PKD2L1: variants seen among roughly 807,000 people sequenced by gnomAD.
PKD2L1 encodes polycystin-2-like protein 1.
PKD2L1 carries 77 observed loss-of-function variants against 93.0 expected under a neutral mutation model. The observed-to-expected ratio is 0.83, with a 90% confidence interval of 0.69 to 1.00. PKD2L1 has a LOEUF of 1.00. PKD2L1 is among the 50% of genes least tolerant of loss of function. PKD2L1 has a pLI of 0.00. For missense variants in PKD2L1, 977 were observed against 990.9 expected, an observed-to-expected ratio of 0.99 and a Z score of 0.19; for synonymous variants, 390 against 388.0, an observed-to-expected ratio of 1.01 and a Z score of -0.06.
At chr10:100,296,951 G>A (rs750310651) in intron 6 of PKD2L1, 29 bp downstream of exon 6, 1 of 1,482,280 alleles carries the variant, frequency 6.7e-7, no homozygotes, top group South Asian at 1.1e-5. Context: ...ACCCCAGAAT[G>A]TCCCAAGTCC....
intron 10 of PKD2L1, 61 bp from the exon 11 acceptor site, chr10:100,293,130 A>G: frequency 1.9e-6 from 3 of 1,594,966 alleles, no homozygotes; most frequent in Non-Finnish European, 2.6e-6. Context: ...CCTGGCCCCC[A>G]GCCCCACCCA....
At position 100,329,948 on chromosome 10, in the gene PKD2L1, C is replaced by A. The variant is rs1444223915; in HGVS notation, c.156G>T (p.Lys52Asn). The change falls in exon 1 of 16, where the codon AAG (lysine) becomes AAT (asparagine). Residue 52 changes from lysine to asparagine, a missense_variant. By Grantham distance (94) the Lys-to-Asn change is moderately conservative (BLOSUM62 0). Transcript: ENST00000318222. Reference protein sequence around the residue: ...STGPLQPQPKKPEDEPQETAY... With the variant: ...STGPLQPQPKNPEDEPQETAY... ...CCGTCTCCTGGGGTTCATCTTCAGG[C>A]TTCTTGGGTTGGGGCTGGAGAGGCC... 6.2e-7 allele frequency: 1 copy of A among 1,614,094 alleles called. No homozygotes were observed. Among genetic ancestry groups the A allele is most frequent in the Non-Finnish European group, 8.5e-7 (1 of 1,179,956 alleles).
At chr10:100,289,598 C>T (rs1021739792) in intron 14 of PKD2L1, among the ~76,000 whole-genome samples, 1 of 152,092 alleles carries the variant, frequency 6.6e-6, no homozygotes, top group Non-Finnish European at 1.5e-5. Flanking sequence ...TCCCTTACCC[C>T]TTCCACCATG....
At chr10:100,293,212 G>T in intron 10 of PKD2L1, 69 bp downstream of exon 10, 1 of 1,522,820 alleles carries the variant, frequency 6.6e-7, no homozygotes, top group Non-Finnish European at 9.1e-7. Flanking sequence ...GTCAGGAACA[G>T]ACCAGGACAC....
chr10:100,312,192 A>G (rs3853518), intron 2 of PKD2L1, among the ~76,000 whole-genome samples: 86,882 of 152,026 alleles, frequency 0.57, 25,151 homozygotes, highest in Admixed American at 0.68. Context: ...GAAACCGTGC[A>G]TTTCATATCA....
chr10:100,303,403 C>T (rs1056082636), intron 2 of PKD2L1, among the ~76,000 whole-genome samples: 1 of 152,030 alleles, frequency 6.6e-6, no homozygotes, highest in East Asian at 1.9e-4. Context: ...ATATTGGTCT[C>T]GAACCCCCAA....
intron 2 of PKD2L1, among the ~76,000 whole-genome samples, chr10:100,304,860 G>T (rs73341804): frequency 0.049 from 7,518 of 152,208 alleles, 640 homozygotes; most frequent in African/African-American, 0.17. Flanking sequence ...AGCAGAATGA[G>T]CATGAGCACT....
rs1848475527 is a variant in PKD2L1, at chr10:100,294,516, C to A, written c.1659+19G>T. The stretch of plus-strand genomic sequence containing the variant: ...CCCTGCAGGCTCTCTATGTCCCCAC[C>A]CCTCAGAGAGACCCTCACCAGGAGC... On this transcript the variant is annotated intron_variant, in intron 9 of 15. Coordinates refer to ENST00000318222, the MANE Select transcript of PKD2L1 (RefSeq NM_016112.3). The A allele has an allele frequency of 6.2e-6, 10 of 1,613,906 alleles. No homozygotes were observed. Among genetic ancestry groups the A allele is most frequent in the Non-Finnish European group, 8.5e-6 (10 of 1,179,876 alleles).
intron 2 of PKD2L1, 139 bp downstream of exon 2, chr10:100,329,072 A>T (rs1849441439): frequency 1.4e-6 from 1 of 697,622 alleles, no homozygotes; most frequent in South Asian, 2.0e-5. Context: ...GAATATTGTT[A>T]TCTAAAGTTC....
At chr10:100,324,250 A>AG (rs1849327775) in intron 2 of PKD2L1, among the ~76,000 whole-genome samples, 1 of 152,244 alleles carries the variant, frequency 6.6e-6, no homozygotes, top group African/African-American at 2.4e-5. Context: ...ATCCAACACC[A>AG]GGGTGGTACC....
At chr10:100,319,415 C>A (rs1049308872) in intron 2 of PKD2L1, among the ~76,000 whole-genome samples, 1 of 152,222 alleles carries the variant, frequency 6.6e-6, no homozygotes, top group African/African-American at 2.4e-5. Flanking sequence ...ACGCTCTTTC[C>A]ATTATACAAC....
At chr10:100,302,236 T>C (rs562147359) in intron 2 of PKD2L1, among the ~76,000 whole-genome samples, 58 of 120,580 alleles carry the variant, frequency 4.8e-4, no homozygotes, top group Non-Finnish European at 8.1e-4. Flanking sequence ...TATTCATGCA[T>C]ACACACACAC....
rs143277422 is a variant in PKD2L1 at position 100,297,519 on chromosome 10, G to A, written c.819C>T (p.Asp273=). The A allele has an allele frequency of 7.1e-4, 1,146 of 1,614,062 alleles. 5 individuals are homozygous for A. In the African/African-American group the frequency reaches 0.013, roughly 19 times the overall value. Residue 273 remains aspartate (D), a synonymous_variant, in exon 5 of 16, where the codon GAC becomes GAT. Coordinates refer to ENST00000318222, the MANE Select transcript of PKD2L1 (RefSeq NM_016112.3). The part of the protein sequence containing the change: ...TSYSGGGYYL[D]LPGSRQGSAE... The stretch of plus-strand genomic sequence containing the variant: ...CACTACCCTGTCGGGATCCTGGAAG[G>A]TCCAGGTAGTAGCCACCTCCGCTGT...
chr10:100,321,856 C>A (rs1220601756), intron 2 of PKD2L1, among the ~76,000 whole-genome samples: 92 of 1,952 alleles, frequency 0.047, 29 homozygotes, highest in Admixed American at 0.082. Context: ...AGCAAGAAGG[C>A]AGGCAGGCAG....
At chr10:100,307,333 C>T (rs1043096550) in intron 2 of PKD2L1, among the ~76,000 whole-genome samples, 4 of 152,084 alleles carry the variant, frequency 2.6e-5, no homozygotes, top group Non-Finnish European at 4.4e-5. Flanking sequence ...CATAGTAGAC[C>T]GATTGTGTAT....
In PKD2L1 at chr10:100,321,792, GAGGGAGGGAGGGAGGGAGGAAGGA is replaced by G. The variant is rs1431117638; in HGVS notation, c.349+7395_349+7418del. Among the ~76,000 whole-genome samples the G allele has an allele frequency of 2.7e-4, 3 of 10,994 alleles. 1 individual carries two copies. Among genetic ancestry groups the G allele is most frequent in the African/African-American group, 1.4e-3 (3 of 2,180 alleles). 7.2% of individuals were successfully genotyped at this position (10,994 alleles called of 152,430 possible). A position where few individuals can be genotyped will look rare whatever the true frequency, so the allele number is the denominator to read the frequency against. On this transcript the variant is annotated intron_variant, in intron 2 of 15. Transcript: ENST00000318222. ...GGAGGGAGGGAGGGAGGGAGGGAGGGAGGGAGGGAGGGAGGGAGGAAGGAAGGAAAGAAAGAAAGAAGGAAAGCA... is the reference window on the plus strand; with the variant it reads ...GGAGGGAGGGAGGGAGGGAGGGAGGGAGGAAAGAAAGAAAGAAGGAAAGCA...
At chr10:100,299,462 C>A in intron 3 of PKD2L1, 129 bp downstream of exon 3, 1 of 800,538 alleles carries the variant, frequency 1.2e-6, no homozygotes, top group East Asian at 2.5e-5. Context: ...TTAATTCAGC[C>A]TGGCCCTTTG....
At chr10:100,319,453 T>C (rs1849180212) in intron 2 of PKD2L1, among the ~76,000 whole-genome samples, 1 of 151,126 alleles carries the variant, frequency 6.6e-6, no homozygotes, top group Non-Finnish European at 1.5e-5. Context: ...CGTGGTTCTA[T>C]ATGACAAAGT....
At chr10:100,315,759 ATGGCAAAACTCT>A (rs1849087775) in intron 2 of PKD2L1, among the ~76,000 whole-genome samples, 1 of 152,126 alleles carries the variant, frequency 6.6e-6, no homozygotes, top group Admixed American at 6.6e-5. Flanking sequence ...GACTCTGACT[ATGGCAAAACTCT>A]TGCATATTCA....
Sources: allele counts gnomAD v4.1 joint callset (sites outside exome capture counted in the v4.1 genomes callset), GRCh38; gene constraint gnomAD v4.1.1; transcripts MANE v1.5; gene names NCBI Gene and HGNC (gene_info 2026-07-23, HGNC 2026-07-21).